Variants in DTNBP1 observed in about 807,000 individuals in gnomAD.
DTNBP1 encodes the protein dystrobrevin binding protein 1, also known as dysbindin.
In DTNBP1, 35 loss-of-function variants were observed where a neutral mutation model predicts 42.8. That is an observed-to-expected ratio of 0.82 (90% CI 0.63 to 1.09). The LOEUF is 1.09. Among genes scored for constraint, DTNBP1 ranks in the 50% least tolerant of loss-of-function variants. The pLI, the probability that DTNBP1 is intolerant of heterozygous loss-of-function variation, is 0.00. For missense variants in DTNBP1, 457 were observed against 424.2 expected (o/e 1.08, Z -0.68); for synonymous variants, 171 against 162.2 (o/e 1.05, Z -0.41).
At chr6:15,526,394 G>A (rs144518607) in intron 8 of DTNBP1, among the ~76,000 whole-genome samples, 1 of 152,268 alleles carries the variant, frequency 6.6e-6, no homozygotes, top group Non-Finnish European at 1.5e-5. Context: ...AGCGACGTGA[G>A]ATTGCGGCTT....
At chr6:15,601,285 G>A (rs981060678) in intron 6 of DTNBP1, among the ~76,000 whole-genome samples, 4 of 151,930 alleles carry the variant, frequency 2.6e-5, no homozygotes, top group Non-Finnish European at 4.4e-5. Flanking sequence ...TTTCTTTTTC[G>A]ACAATATTTT....
chr6:15,526,736 C>T (rs1017303717), intron 8 of DTNBP1, among the ~76,000 whole-genome samples: 2 of 152,180 alleles, frequency 1.3e-5, no homozygotes, highest in African/African-American at 4.8e-5. Context: ...CCTACGGAAG[C>T]CTTTCGCCAA....
intron 7 of DTNBP1, among the ~76,000 whole-genome samples, chr6:15,546,281 G>T (rs1773878166): frequency 6.6e-6 from 1 of 151,996 alleles, no homozygotes; most frequent in Non-Finnish European, 1.5e-5. Context: ...GGTCAGGCTG[G>T]TCTCGAACTC....
chr6:15,596,837 C>T (rs894542066), intron 6 of DTNBP1, among the ~76,000 whole-genome samples: 1 of 152,158 alleles, frequency 6.6e-6, no homozygotes, highest in Non-Finnish European at 1.5e-5. Flanking sequence ...GCCTGTTCTT[C>T]TCCAGTCGAC....
chr6:15,552,284 C>G (rs1038990311), intron 7 of DTNBP1, among the ~76,000 whole-genome samples: 3 of 152,088 alleles, frequency 2.0e-5, no homozygotes, highest in African/African-American at 7.2e-5. Context: ...TAAAATACAC[C>G]CTCTGAACTC....
intron 8 of DTNBP1, among the ~76,000 whole-genome samples, chr6:15,532,695 A>ATTT (rs1561939702): frequency 1.1e-5 from 1 of 93,220 alleles, no homozygotes; most frequent in African/African-American, 4.7e-5. Context: ...TGTGTTTGTA[A>ATTT]TCTTTTTTTT....
intron 9 of DTNBP1, chr6:15,523,481 A>G: frequency 3.1e-6 from 4 of 1,286,634 alleles, no homozygotes; most frequent in Non-Finnish European, 4.0e-6. Context: ...CTAAGGCTGT[A>G]ATACGCGTGT....
intron 6 of DTNBP1, among the ~76,000 whole-genome samples, chr6:15,612,104 AT>A (rs1256027245): frequency 1.3e-5 from 2 of 152,164 alleles, no homozygotes; most frequent in Non-Finnish European, 2.9e-5. Flanking sequence ...CTTCATTGTT[AT>A]CTTATTTTAA....
intron 6 of DTNBP1, chr6:15,595,242 T>A: frequency 2.4e-6 from 1 of 424,012 alleles, no homozygotes; most frequent in Non-Finnish European, 4.6e-6. Context: ...AAAATCAGTA[T>A]TATGCAACTT....
At chr6:15,570,403 A>G (rs1002220319) in intron 7 of DTNBP1, among the ~76,000 whole-genome samples, 1 of 152,192 alleles carries the variant, frequency 6.6e-6, no homozygotes, top group African/African-American at 2.4e-5. Context: ...GCAGTCACAC[A>G]TGTACTCTGA....
chr6:15,630,501 A>G (rs1759631590), intron 4 of DTNBP1, among the ~76,000 whole-genome samples: 1 of 152,250 alleles, frequency 6.6e-6, no homozygotes, highest in Admixed American at 6.5e-5. Context: ...CAGGAGAGGC[A>G]AAACACTGAA....
chr6:15,602,854 C>T (rs893859915), intron 6 of DTNBP1, among the ~76,000 whole-genome samples: 2 of 152,134 alleles, frequency 1.3e-5, no homozygotes, highest in Non-Finnish European at 1.5e-5. Flanking sequence ...TGAACCCCAG[C>T]GTGTCATTTG....
At chr6:15,662,784 G>T (rs1300854837) in intron 1 of DTNBP1, 30 bp downstream of exon 1, 3 of 1,611,700 alleles carry the variant, frequency 1.9e-6, no homozygotes, top group African/African-American at 1.3e-5. Flanking sequence ...GCCCCCTCAG[G>T]TCCCTTTTCG....
intron 7 of DTNBP1, among the ~76,000 whole-genome samples, chr6:15,554,949 T>C (rs1446280168): frequency 6.6e-6 from 1 of 151,734 alleles, no homozygotes; most frequent in African/African-American, 2.4e-5. Context: ...TGTCTGGTGG[T>C]TGGTTGAAAT....
intron 3 of DTNBP1, among the ~76,000 whole-genome samples, chr6:15,649,246 C>T (rs1295617009): frequency 6.6e-6 from 1 of 151,930 alleles, no homozygotes; most frequent in Non-Finnish European, 1.5e-5. Flanking sequence ...TTAGAACAGC[C>T]AAAAAGTGGA....
chr6:15,540,905 G>A lies in DTNBP1; in HGVS notation c.512-7510C>T, dbSNP rs553433200. 9.8e-5 allele frequency among the ~76,000 whole-genome samples: 15 copies of A among 152,304 alleles called. No homozygotes were observed. The South Asian group carries it at 3.1e-3, about 32-fold the overall frequency. ...GATCCGCCTGCCTTGGCCTCCCAAA[G>A]TGCTGGGATTACAGGTGTGAGCCAA... On this transcript the variant is annotated intron_variant, in intron 7 of 9. Coordinates refer to ENST00000344537, the MANE Select transcript of DTNBP1 (RefSeq NM_032122.5).
At chr6:15,595,021 G>A (rs1776452294) in intron 6 of DTNBP1, 1 of 428,328 alleles carries the variant, frequency 2.3e-6, no homozygotes. Flanking sequence ...GACTCATCCT[G>A]CTCACCCTGC....
intron 6 of DTNBP1, among the ~76,000 whole-genome samples, chr6:15,598,649 C>T (rs12199640): frequency 0.044 from 5,780 of 131,872 alleles, 275 homozygotes; most frequent in East Asian, 0.28. Flanking sequence ...TGTTGTTTTC[C>T]GGCAGTCCAC....
chr6:15,612,223 C>T (rs965426226), intron 6 of DTNBP1, among the ~76,000 whole-genome samples: 1 of 152,202 alleles, frequency 6.6e-6, no homozygotes, highest in Non-Finnish European at 1.5e-5. Context: ...TTACAACTCA[C>T]TGAAGGCTGA....
Sources: allele counts gnomAD v4.1 joint callset (sites outside exome capture counted in the v4.1 genomes callset), GRCh38; gene constraint gnomAD v4.1.1; transcripts MANE v1.5; gene names NCBI Gene and HGNC (gene_info 2026-07-23, HGNC 2026-07-21).